Variants in IDE observed in about 807,000 individuals in gnomAD.
IDE encodes the protein insulin degrading enzyme, also known as insulin-degrading enzyme.
A neutral mutation model predicts 133.2 loss-of-function variants in IDE; 58 were observed. That is an observed-to-expected ratio of 0.44 (90% CI 0.35 to 0.54). The LOEUF is 0.54. Among genes scored for constraint, IDE ranks in the 20% least tolerant of loss-of-function variants. The pLI, the probability that IDE is intolerant of heterozygous loss-of-function variation, is 0.00. For missense variants in IDE, 981 were observed against 1,234.0 expected (o/e 0.79, Z 3.07); for synonymous variants, 396 against 421.3 (o/e 0.94, Z 0.73).
In IDE at chr10:92,537,392, G is replaced by A; in HGVS notation, c.257C>T (p.Ser86Leu). The A allele has an allele frequency of 6.2e-7, 1 of 1,608,418 alleles. No homozygotes were observed. Among genetic ancestry groups the A allele is most frequent in the Non-Finnish European group, 8.5e-7 (1 of 1,178,628 alleles). ...TATGTGCACATCAAGTGCTGCTGAT[G>A]ACTTATCCGTGGTGGGATCACTGAT... is the stretch of plus-strand genomic sequence containing the variant. ...LLISDPTTDK[S>L]SAALDVHIGS... Residue 86 changes from serine to leucine, a missense_variant, in exon 2 of 25, where the codon TCA becomes TTA. Around this residue, in one of 2 missense-constraint regions of IDE, gnomAD observed 321 missense variants for 339.3 expected, o/e 0.95. Transcript: ENST00000265986.
chr10:92,527,150 G>C (rs1040449360), intron 4 of IDE, among the ~76,000 whole-genome samples: 3 of 152,018 alleles, frequency 2.0e-5, no homozygotes, highest in Non-Finnish European at 2.9e-5. Context: ...AAGTTGTAGC[G>C]AACCAGACTC....
rs1418360833 is a variant in IDE, at chr10:92,501,250, T to A, written c.1430+3544A>T. Among the ~76,000 whole-genome samples the A allele has an allele frequency of 2.0e-5, 3 of 147,002 alleles. No individual in the cohort carries two copies. The Admixed American group carries it at 2.1e-4, about 10-fold the overall frequency. On this transcript the variant is annotated intron_variant, in intron 11 of 24. Transcript: ENST00000265986. ...GGTGGCACATGCCTGTAATCCCACCTACTTGGGAGGCTGAGGCATGAGAAT... is the reference window on the plus strand; with the variant it reads ...GGTGGCACATGCCTGTAATCCCACCAACTTGGGAGGCTGAGGCATGAGAAT...
Position 92,508,894 on chromosome 10 carries a change from G to C in IDE, c.898-4C>G. ...TGGGTACTATTTTGTAAAGTTGCTG[G>C]AGAAAACAAATCACAGAGATTAGCT... is the stretch of plus-strand genomic sequence containing the variant. On this transcript the variant is annotated splice_polypyrimidine_tract_variant and splice_region_variant and intron_variant, in intron 6 of 24. Coordinates refer to ENST00000265986, the MANE Select transcript of IDE (RefSeq NM_004969.4). 1 of 1,608,078 alleles carries C rather than the reference G, an allele frequency of 6.2e-7. No individual in the cohort carries two copies. Among genetic ancestry groups the C allele is most frequent in the South Asian group, 1.1e-5 (1 of 90,820 alleles).
At chr10:92,565,186 G>A (rs965452515) in intron 1 of IDE, among the ~76,000 whole-genome samples, 3 of 150,964 alleles carry the variant, frequency 2.0e-5, no homozygotes, top group Non-Finnish European at 4.4e-5. Flanking sequence ...GGAGGCTGCA[G>A]TGGGTCAAGA....
chr10:92,529,289 C>T (rs546833967), intron 4 of IDE, among the ~76,000 whole-genome samples: 8 of 152,122 alleles, frequency 5.3e-5, no homozygotes, highest in Non-Finnish European at 1.2e-4. Context: ...TTCAAATGTA[C>T]CTGTGACCTT....
intron 1 of IDE, among the ~76,000 whole-genome samples, chr10:92,555,668 G>C (rs1388380245): frequency 5.3e-5 from 8 of 152,150 alleles, no homozygotes; most frequent in African/African-American, 1.9e-4. Context: ...GATCAAACTA[G>C]GAATAAAAGA....
At chr10:92,529,885 A>C (rs1849821051) in intron 4 of IDE, among the ~76,000 whole-genome samples, 1 of 152,232 alleles carries the variant, frequency 6.6e-6, no homozygotes, top group Non-Finnish European at 1.5e-5. Context: ...CATATTCTGC[A>C]AAATAGCAGC....
chr10:92,538,127 G>A (rs1256056688), intron 1 of IDE, among the ~76,000 whole-genome samples: 1 of 152,110 alleles, frequency 6.6e-6, no homozygotes, highest in African/African-American at 2.4e-5. Context: ...GTCCACCTCA[G>A]CCTCCCAATG....
chr10:92,462,442 G>A (rs1845445383), intron 21 of IDE, among the ~76,000 whole-genome samples: 1 of 151,820 alleles, frequency 6.6e-6, no homozygotes, highest in African/African-American at 2.4e-5. Flanking sequence ...CCAACATGGA[G>A]AAACCCCATC....
At chr10:92,539,688 C>T (rs540696419) in intron 1 of IDE, among the ~76,000 whole-genome samples, 9 of 152,006 alleles carry the variant, frequency 5.9e-5, no homozygotes, top group South Asian at 2.1e-4. Context: ...CGCTTCAACC[C>T]GGGAGGCAAA....
In IDE at chr10:92,507,676, A is replaced by AG; in HGVS notation, c.1154-11dup. 6.9e-7 allele frequency: 1 copy of AG among 1,439,354 alleles called. No individual in the cohort carries two copies. Among genetic ancestry groups the AG allele is most frequent in the Non-Finnish European group, 9.8e-7 (1 of 1,020,698 alleles). 89.2% of individuals were successfully genotyped at this position (1,439,354 alleles called of 1,614,324 possible). On this transcript the variant is annotated splice_polypyrimidine_tract_variant and intron_variant, in intron 8 of 24. Transcript: ENST00000265986. ...ATATCTTCAACATGTACTGGAAAAA[A>AG]GGGGCACACTTAAAAACCATTCAGT...
At chr10:92,508,924 A>G (rs1848444267) in intron 6 of IDE, 34 bp from the exon 7 acceptor site, 1 of 1,504,474 alleles carries the variant, frequency 6.6e-7, no homozygotes, top group Non-Finnish European at 9.2e-7. Context: ...TTAGCTATAT[A>G]CGACTCCTAC....
rs1846467849 is a variant in IDE at position 92,479,385 on chromosome 10, C to T, written c.1776G>A (p.Met592Ile). The stretch of plus-strand genomic sequence containing the variant: ...TGAGGAGCTCAAGGTACAAATAGGC[C>T]ATGTTACAGTGCAAGGGGTCCACAT... ...FAYVDPLHCNMAYLYLELLKD... is the reference protein window; with the variant it reads ...FAYVDPLHCNIAYLYLELLKD... Residue 592 changes from methionine (M) to isoleucine (I), a missense_variant, in exon 15 of 25, where the codon ATG (methionine) becomes ATA (isoleucine). By Grantham distance (10) the Met-to-Ile change is conservative. Around this residue, in one of 2 missense-constraint regions of IDE, gnomAD observed 660 missense variants for 894.7 expected, o/e 0.74. Coordinates refer to ENST00000265986, the MANE Select transcript of IDE (RefSeq NM_004969.4). 4 of 1,612,876 alleles carry T rather than the reference C, an allele frequency of 2.5e-6. No individual in the cohort carries two copies. The highest frequency in any genetic ancestry group is 1.3e-5 in the African/African-American group (1 of 74,816).
At chr10:92,573,216 ACCTGTGTCCTAAT>A in intron 1 of IDE, 4 of 980,976 alleles carry the variant, frequency 4.1e-6, no homozygotes, top group Non-Finnish European at 4.8e-6. Context: ...ATGGCAAAAA[ACCTGTGTCCTAAT>A]CCTGGTTTTG....
At chr10:92,498,403 A>G (rs540278263) in intron 11 of IDE, among the ~76,000 whole-genome samples, 1 of 152,182 alleles carries the variant, frequency 6.6e-6, no homozygotes, top group South Asian at 2.1e-4. Context: ...TGGGTGGATC[A>G]CTTGAGGTCA....
intron 1 of IDE, among the ~76,000 whole-genome samples, chr10:92,559,575 T>C (rs11187067): frequency 0.17 from 25,129 of 152,042 alleles, 2,445 homozygotes; most frequent in Middle Eastern, 0.21. Flanking sequence ...GGCAAATCCA[T>C]AGAAAGAAAG....
intron 3 of IDE, among the ~76,000 whole-genome samples, chr10:92,532,497 T>C (rs1849993689): frequency 6.6e-6 from 1 of 152,144 alleles, no homozygotes; most frequent in Non-Finnish European, 1.5e-5. Context: ...TATGACATAG[T>C]TTGACTAAGC....
At chr10:92,569,475 G>A (rs1053582803) in intron 1 of IDE, among the ~76,000 whole-genome samples, 5 of 152,176 alleles carry the variant, frequency 3.3e-5, no homozygotes, top group East Asian at 3.8e-4. Flanking sequence ...AAGATGTTAC[G>A]AAGATGATCA....
intron 1 of IDE, among the ~76,000 whole-genome samples, chr10:92,557,326 G>C (rs1843059670): frequency 6.6e-6 from 1 of 151,336 alleles, no homozygotes; most frequent in Non-Finnish European, 1.5e-5. Flanking sequence ...CACGAGGTCA[G>C]GAGATCGAGA....
Sources: gnomAD v4.1 joint callset for allele counts (sites outside exome capture counted in the v4.1 genomes callset) on GRCh38, gnomAD v4.1.1 for gene constraint, gnomAD v4.1.1 regional missense constraint, MANE v1.5 for transcripts, NCBI Gene and HGNC (gene_info 2026-07-23, HGNC 2026-07-21) for gene names.